Variants in NFATC1 observed in about 807,000 individuals in gnomAD.
The protein encoded by NFATC1 is nuclear factor of activated T-cells, cytoplasmic 1.
NFATC1 carries 22 observed loss-of-function variants against 76.0 expected under a neutral mutation model. That is an observed-to-expected ratio of 0.29 (90% CI 0.21 to 0.41). The LOEUF is 0.41. Ranked by LOEUF, NFATC1 falls within the 10% of genes least tolerant of loss-of-function variation. The pLI, the probability that NFATC1 is intolerant of heterozygous loss-of-function variation, is 1.00. For missense variants in NFATC1, 1,357 were observed against 1,337.7 expected, an observed-to-expected ratio of 1.01 and a Z score of -0.23; for synonymous variants, 704 against 613.1, an observed-to-expected ratio of 1.15 and a Z score of -2.19.
chr18:79,516,869 A>C (rs2090398265), intron 9 of NFATC1, among the ~76,000 whole-genome samples: 2 of 152,202 alleles, frequency 1.3e-5, no homozygotes, highest in South Asian at 4.1e-4. Context: ...TTATGTACTT[A>C]GCTCATATCT....
At chr18:79,519,570 C>G (rs1461524944) in intron 9 of NFATC1, among the ~76,000 whole-genome samples, 3 of 152,194 alleles carry the variant, frequency 2.0e-5, no homozygotes, top group African/African-American at 7.2e-5. Context: ...AACTTTTGGC[C>G]TCAAGTGATC....
intron 2 of NFATC1, among the ~76,000 whole-genome samples, chr18:79,432,098 C>T (rs1018735240): frequency 6.9e-6 from 1 of 145,668 alleles, no homozygotes; most frequent in Admixed American, 6.7e-5. Flanking sequence ...CTTGCAGATG[C>T]CCCTGCTCTG....
chr18:79,483,028 C>G (rs1219340367), intron 8 of NFATC1, among the ~76,000 whole-genome samples: 3 of 112,760 alleles, frequency 2.7e-5, no homozygotes, highest in Non-Finnish European at 1.8e-5. Context: ...TGACCTGGTT[C>G]CTGGGTAATT....
chr18:79,478,135 C>A, intron 8 of NFATC1, among the ~76,000 whole-genome samples: 1 of 149,422 alleles, frequency 6.7e-6, no homozygotes, highest in African/African-American at 2.5e-5. Flanking sequence ...CCGCCCACCC[C>A]CAGGTGCTCC....
At chr18:79,407,159 G>C (rs2085471761) in intron 1 of NFATC1, among the ~76,000 whole-genome samples, 1 of 152,266 alleles carries the variant, frequency 6.6e-6, no homozygotes, top group Non-Finnish European at 1.5e-5. Flanking sequence ...CTGCTTTCCA[G>C]GCTCATTTTT....
intron 1 of NFATC1, among the ~76,000 whole-genome samples, chr18:79,403,159 G>T (rs963984608): frequency 3.9e-5 from 6 of 152,232 alleles, no homozygotes; most frequent in Non-Finnish European, 7.3e-5. Flanking sequence ...CCTGGCCCAC[G>T]CCGCTGTGGC....
At chr18:79,517,410 G>A (rs2090408550) in intron 9 of NFATC1, among the ~76,000 whole-genome samples, 1 of 152,166 alleles carries the variant, frequency 6.6e-6, no homozygotes, top group African/African-American at 2.4e-5. Flanking sequence ...TCAGAGGATG[G>A]TGGAGTAAGC....
At chr18:79,449,134 C>G (rs2087349485) in intron 4 of NFATC1, 150 bp downstream of exon 4, 2 of 713,326 alleles carry the variant, frequency 2.8e-6, no homozygotes, top group Non-Finnish European at 4.6e-6. Context: ...GTAAACTTCA[C>G]TCTTGCTTTT....
chr18:79,459,037 C>T (rs1202604371), intron 6 of NFATC1, among the ~76,000 whole-genome samples: 1 of 152,266 alleles, frequency 6.6e-6, no homozygotes, highest in Non-Finnish European at 1.5e-5. Flanking sequence ...GGGGAGAGGC[C>T]CCACCTCCAA....
At chr18:79,453,614 A>G (rs1380344723) in intron 6 of NFATC1, among the ~76,000 whole-genome samples, 1 of 152,102 alleles carries the variant, frequency 6.6e-6, no homozygotes, top group Non-Finnish European at 1.5e-5. Flanking sequence ...TTGTCTGCCC[A>G]TGTCCTCCTC....
intron 6 of NFATC1, among the ~76,000 whole-genome samples, chr18:79,455,316 C>T (rs918095041): frequency 3.3e-5 from 5 of 152,220 alleles, no homozygotes; most frequent in African/African-American, 4.8e-5. Context: ...TGGGGCTGCA[C>T]GGGTCTCGTC....
In NFATC1 at chr18:79,528,082, G is replaced by A. The variant is rs2090815583; in HGVS notation, c.*505G>A. The stretch of plus-strand genomic sequence containing the variant: ...AGAGAACGCTGGAAGGCTGCGAGAG[G>A]ACTCTAGTATGAGTCTCCAACATTT... On this transcript the variant is annotated 3_prime_UTR_variant, in exon 10 of 10. Transcript: ENST00000427363. 2.5e-6 allele frequency: 1 copy of A among 402,550 alleles called. No individual in the cohort carries two copies. The highest frequency in any genetic ancestry group is 2.0e-5 in the African/African-American group (1 of 48,788). 24.9% of individuals were successfully genotyped at this position (402,550 alleles called of 1,614,324 possible).
At chr18:79,438,974 C>G (rs530207429) in intron 3 of NFATC1, among the ~76,000 whole-genome samples, 16 of 152,334 alleles carry the variant, frequency 1.1e-4, no homozygotes, top group Admixed American at 8.5e-4. Context: ...CGTGAGGCAG[C>G]TCTTCTTTTC....
intron 9 of NFATC1, among the ~76,000 whole-genome samples, chr18:79,523,115 C>A (rs987273642): frequency 6.6e-6 from 1 of 152,210 alleles, no homozygotes; most frequent in African/African-American, 2.4e-5. Context: ...GGGGCTGTTG[C>A]AAGGAGCAAG....
At chr18:79,480,696 C>G (rs2089242356) in intron 8 of NFATC1, among the ~76,000 whole-genome samples, 1 of 152,192 alleles carries the variant, frequency 6.6e-6, no homozygotes, top group African/African-American at 2.4e-5. Context: ...TGCCCCAGCC[C>G]CAGCGGCTCT....
rs2090802387 is a variant in NFATC1, at chr18:79,527,546, A to G, written c.2801A>G (p.Asn934Ser). The G allele has an allele frequency of 1.2e-6, 2 of 1,613,920 alleles. No individual in the cohort carries two copies. Among genetic ancestry groups the G allele is most frequent in the Admixed American group, 1.7e-5 (1 of 60,010 alleles). ...YLDDVNEIIR[N>S]DLSSTSTHS is the part of the protein sequence containing the mutation. ...CTTACAGTAAATGAAATAATACGAA[A>G]TGACCTCTCCAGCACGAGCACCCAC... Residue 934 changes from asparagine to serine, a missense_variant, in exon 10 of 10, where the codon AAT (asparagine) becomes AGT (serine). Around this residue, in one of 3 missense-constraint regions of NFATC1, gnomAD observed 424 missense variants for 395.4 expected, o/e 1.07. Transcript: ENST00000427363.
At chr18:79,511,267 G>T (rs1245383326) in intron 9 of NFATC1, among the ~76,000 whole-genome samples, 1 of 152,030 alleles carries the variant, frequency 6.6e-6, no homozygotes, top group Non-Finnish European at 1.5e-5. Context: ...TTCACTCCGG[G>T]GTCAATATGT....
At chr18:79,442,830 C>T (rs1361312023) in intron 3 of NFATC1, among the ~76,000 whole-genome samples, 3 of 152,110 alleles carry the variant, frequency 2.0e-5, no homozygotes, top group African/African-American at 7.2e-5. Flanking sequence ...CCGAGTTTCT[C>T]CCCACTCCCA....
intron 2 of NFATC1, among the ~76,000 whole-genome samples, chr18:79,430,825 G>A (rs1395697962): frequency 6.6e-6 from 1 of 152,228 alleles, no homozygotes; most frequent in Non-Finnish European, 1.5e-5. Context: ...ACTGCAGAGG[G>A]GCCCTTCATT....
Sources: gnomAD v4.1 joint callset for allele counts (sites outside exome capture counted in the v4.1 genomes callset) on GRCh38, gnomAD v4.1.1 for gene constraint, gnomAD v4.1.1 regional missense constraint, MANE v1.5 for transcripts, NCBI Gene and HGNC (gene_info 2026-07-23, HGNC 2026-07-21) for gene names.